TBL1X: variants seen among roughly 807,000 people sequenced by gnomAD.
TBL1X encodes transducin beta like 1 X-linked.
A neutral mutation model predicts 50.7 loss-of-function variants in TBL1X; 10 were observed. The ratio of observed to expected loss-of-function variants is 0.20; its 90% CI spans 0.12 to 0.33. The LOEUF is 0.33. Among genes scored for constraint, TBL1X ranks in the 10% least tolerant of loss-of-function variants. TBL1X has a pLI of 1.00. For missense variants in TBL1X, 340 were observed against 504.4 expected, an observed-to-expected ratio of 0.67 and a Z score of 3.12; for synonymous variants, 190 against 214.7, an observed-to-expected ratio of 0.88 and a Z score of 1.01.
At chrX:9,641,438 A>AAAAC (rs201790120) in intron 3 of TBL1X, among the ~76,000 whole-genome samples, 2 of 112,523 alleles carry the variant, frequency 1.8e-5, no homozygotes, top group Non-Finnish European at 3.8e-5. Flanking sequence ...TTTAGTTAAA[A>AAAAC]AAACAAACAA....
At position 9,523,208 on chromosome X, in the gene TBL1X, AG is replaced by A. The variant is rs1377185156; in HGVS notation, c.-131+21360del. ...TTCAAAGAAAGACTCCACTCCTTTC[AG>A]CTGTCACCCTTTCACCCTGATCACC... On this transcript the variant is annotated intron_variant, in intron 2 of 17. Coordinates refer to ENST00000645353, the MANE Select transcript of TBL1X (RefSeq NM_005647.4). Among the ~76,000 whole-genome samples the A allele has an allele frequency of 5.4e-5, 6 of 111,865 alleles. No individual in the cohort carries two copies. The East Asian group carries it at 1.7e-3, about 32-fold the overall frequency.
rs142146675 is a variant in TBL1X at position 9,649,745 on chromosome X, T to C, written c.-42-3800T>C. Among the ~76,000 whole-genome samples the C allele has an allele frequency of 3.7e-4, 41 of 111,446 alleles. No homozygotes were observed. In the East Asian group the frequency reaches 0.01, roughly 28 times the overall value. ...GGTGGGGAATATTAACCAGGCTGTG[T>C]ATACAGGTGTTTCATCTCCACGAAT... On this transcript the variant is annotated intron_variant, in intron 3 of 17. Transcript: ENST00000645353.
chrX:9,645,412 T>C (rs1364881469), intron 3 of TBL1X: 1 of 112,212 alleles, frequency 8.9e-6, no homozygotes, highest in Non-Finnish European at 1.9e-5. Context: ...GAGTAGAAAC[T>C]ATACAACGTG....
chrX:9,630,530 A>G (rs1361054828), intron 2 of TBL1X, among the ~76,000 whole-genome samples: 5 of 112,422 alleles, frequency 4.4e-5, no homozygotes, highest in Non-Finnish European at 9.4e-5. Flanking sequence ...TACCTAATAC[A>G]TTGTAAATAC....
At chrX:9,551,861 A>G (rs1234672726) in intron 2 of TBL1X, among the ~76,000 whole-genome samples, 1 of 111,659 alleles carries the variant, frequency 9.0e-6, no homozygotes, top group Non-Finnish European at 1.9e-5. Context: ...TCTCCCCCGG[A>G]GACCCTCCAA....
At position 9,585,034 on chromosome X, in the gene TBL1X, G is replaced by A. The variant is rs747493140; in HGVS notation, c.-130-55239G>A. The stretch of plus-strand genomic sequence containing the variant: ...TTAAAAAAATCCAACTGCAAGGAGA[G>A]AAGATTCTCTAGGGAATGGCTTGTC... On this transcript the variant is annotated intron_variant, in intron 2 of 17. Transcript: ENST00000645353. Among the ~76,000 whole-genome samples, 23 of 111,881 alleles carry A rather than the reference G, an allele frequency of 2.1e-4. No individual in the cohort carries two copies. In the East Asian group the frequency reaches 4.8e-3, roughly 23 times the overall value.
In TBL1X at chrX:9,717,921, T is replaced by A. The variant is rs1294934829; in HGVS notation, c.*1675T>A. ...GATCTTTTTTAAATAATCTTTTTGC[T>A]GTTTTTAAAAAATTAAACAAGGCTT... On this transcript the variant is annotated 3_prime_UTR_variant, in exon 18 of 18. Coordinates refer to ENST00000645353, the MANE Select transcript of TBL1X (RefSeq NM_005647.4). 8.9e-6 allele frequency: 1 copy of A among 112,344 alleles called. No individual in the cohort carries two copies. The highest frequency in any genetic ancestry group is 3.2e-5 in the African/African-American group (1 of 30,917). The allele number at this position is 112,344 out of a possible 1,213,427, so 9.3% of individuals were successfully genotyped here.
intron 2 of TBL1X, among the ~76,000 whole-genome samples, chrX:9,545,262 C>G (rs1447345281): frequency 9.0e-6 from 1 of 111,059 alleles, no homozygotes; most frequent in Non-Finnish European, 1.9e-5. Context: ...CAAACCCTGG[C>G]TGGGTGTGGT....
chrX:9,500,127 A>G (rs755047079), intron 1 of TBL1X, among the ~76,000 whole-genome samples: 150 of 108,682 alleles, frequency 1.4e-3, no homozygotes, highest in African/African-American at 4.7e-3. Flanking sequence ...TCTTTAAAAA[A>G]TTAGCCAGGC....
chrX:9,620,661 G>A (rs1203389939), intron 2 of TBL1X, among the ~76,000 whole-genome samples: 1 of 112,025 alleles, frequency 8.9e-6, no homozygotes, highest in African/African-American at 3.2e-5. Context: ...AGGCACCCAG[G>A]AAACTGAGGG....
At chrX:9,524,950 G>A (rs185372668) in intron 2 of TBL1X, among the ~76,000 whole-genome samples, 2 of 111,093 alleles carry the variant, frequency 1.8e-5, no homozygotes, top group African/African-American at 6.6e-5. Context: ...TGAGGTCTTG[G>A]TATGTTGCTC....
chrX:9,685,717 C>CTTTTTTTTTTTTTTTTTTTTTTTTT (rs752837096), intron 6 of TBL1X, among the ~76,000 whole-genome samples: 1 of 59,651 alleles, frequency 1.7e-5, no homozygotes, highest in Non-Finnish European at 2.9e-5. Flanking sequence ...CTTTTCTTTT[C>CTTTTTTTTTTTTTTTTTTTTTTTTT]TTTTTTTTTT....
chrX:9,649,153 A>C (rs753850112), intron 3 of TBL1X, among the ~76,000 whole-genome samples: 2 of 112,182 alleles, frequency 1.8e-5, no homozygotes, highest in Non-Finnish European at 3.8e-5. Context: ...TAGGGTTAGG[A>C]GTCCATTCAG....
chrX:9,510,757 C>CT (rs1277385880), intron 2 of TBL1X, among the ~76,000 whole-genome samples: 1 of 112,037 alleles, frequency 8.9e-6, no homozygotes, highest in Non-Finnish European at 1.9e-5. Flanking sequence ...AGTTGAAGGC[C>CT]TTAAGAAAAA....
At chrX:9,545,058 A>G (rs186431699) in intron 2 of TBL1X, among the ~76,000 whole-genome samples, 82 of 92,951 alleles carry the variant, frequency 8.8e-4, no homozygotes, top group African/African-American at 2.9e-3. Flanking sequence ...CCAGGCTGCA[A>G]TGCAGTGGCA....
intron 1 of TBL1X, among the ~76,000 whole-genome samples, chrX:9,466,810 G>A (rs1296787072): frequency 8.9e-6 from 1 of 112,450 alleles, no homozygotes; most frequent in African/African-American, 3.2e-5. Flanking sequence ...TATTTTAAAG[G>A]GTAGTCCTGT....
At chrX:9,592,303 C>G (rs2082504556) in intron 2 of TBL1X, among the ~76,000 whole-genome samples, 1 of 111,932 alleles carries the variant, frequency 8.9e-6, no homozygotes, top group African/African-American at 3.3e-5. Flanking sequence ...CATGTCATAG[C>G]TCCTGGTAGT....
chrX:9,582,028 C>A (rs909621368), intron 2 of TBL1X, among the ~76,000 whole-genome samples: 4 of 112,277 alleles, frequency 3.6e-5, no homozygotes, highest in African/African-American at 1.3e-4. Context: ...GACAATTAGA[C>A]CCTGCCTTTG....
At chrX:9,643,852 C>G (rs1260775242) in intron 3 of TBL1X, among the ~76,000 whole-genome samples, 2 of 111,941 alleles carry the variant, frequency 1.8e-5, no homozygotes, top group Non-Finnish European at 3.8e-5. Context: ...CACAGTGAGA[C>G]CCTGTCACTA....
Sources: gnomAD v4.1 joint callset for allele counts (sites outside exome capture counted in the v4.1 genomes callset) on GRCh38, gnomAD v4.1.1 for gene constraint, MANE v1.5 for transcripts, NCBI Gene and HGNC (gene_info 2026-07-23, HGNC 2026-07-21) for gene names.